Variants in NPSR1 observed in about 807,000 individuals in gnomAD.
NPSR1 encodes the protein neuropeptide S receptor.
NPSR1 carries 48 observed loss-of-function variants against 46.9 expected under a neutral mutation model. The observed-to-expected ratio is 1.02, with a 90% CI of 0.81 to 1.30. The LOEUF is 1.30. NPSR1 is among the 50% of genes most tolerant of loss of function. The pLI, the probability that NPSR1 is intolerant of heterozygous loss-of-function variation, is 0.00. For synonymous variants in NPSR1, 176 were observed against 168.1 expected, an observed-to-expected ratio of 1.05 and a Z score of -0.36; for missense variants, 450 against 449.5, an observed-to-expected ratio of 1.00 and a Z score of -0.01.
At chr7:34,791,928 G>A (rs538438743) in intron 3 of NPSR1, among the ~76,000 whole-genome samples, 7 of 152,072 alleles carry the variant, frequency 4.6e-5, no homozygotes, top group Non-Finnish European at 8.8e-5. Context: ...CAACAGTGAT[G>A]CCAAAAATAA....
chr7:34,673,821 A>T (rs543068354), intron 1 of NPSR1, among the ~76,000 whole-genome samples: 1 of 152,326 alleles, frequency 6.6e-6, no homozygotes, highest in East Asian at 1.9e-4. Context: ...TATTTAAAAA[A>T]TTTTATCATA....
At chr7:34,741,098 G>A (rs1784920126) in intron 2 of NPSR1, among the ~76,000 whole-genome samples, 1 of 151,996 alleles carries the variant, frequency 6.6e-6, no homozygotes, top group African/African-American at 2.4e-5. Context: ...TTTCTTTTTT[G>A]TTACTTTTAA....
At chr7:34,795,976 G>A (rs1252308020) in intron 3 of NPSR1, among the ~76,000 whole-genome samples, 1 of 152,000 alleles carries the variant, frequency 6.6e-6, no homozygotes, top group Non-Finnish European at 1.5e-5. Context: ...CAAATTTGAA[G>A]GACTGATACT....
chr7:34,749,984 GT>G (rs985662480), intron 2 of NPSR1, among the ~76,000 whole-genome samples: 71 of 149,464 alleles, frequency 4.8e-4, no homozygotes, highest in African/African-American at 1.4e-3. Context: ...GAGGAAGAGA[GT>G]TTTTTTTTTA....
At position 34,866,564 on chromosome 7, in the gene NPSR1, T is replaced by G. The variant is rs10264671; in HGVS notation, c.1026-11512T>G. Among the ~76,000 whole-genome samples the G allele has an allele frequency of 2.6e-5, 4 of 151,312 alleles. No homozygotes were observed. In the South Asian group the frequency reaches 8.3e-4, roughly 31 times the overall value. On this transcript the variant is annotated intron_variant, in intron 8 of 8. Transcript: ENST00000359791. ...GACTTGGGTGGTCAAGGTCACTATG[T>G]CTTGCCTGATTGAGACAACTCAGTT...
At chr7:34,783,556 G>T (rs1323505954) in intron 3 of NPSR1, among the ~76,000 whole-genome samples, 2 of 152,064 alleles carry the variant, frequency 1.3e-5, no homozygotes, top group African/African-American at 4.8e-5. Flanking sequence ...AGGAGTTATA[G>T]AAGGAGATGA....
intron 5 of NPSR1, among the ~76,000 whole-genome samples, chr7:34,832,493 G>A (rs1790165204): frequency 6.6e-6 from 1 of 152,184 alleles, no homozygotes; most frequent in Non-Finnish European, 1.5e-5. Context: ...CAGCCTGGGT[G>A]AGAGAGCAAA....
At chr7:34,660,998 AT>A (rs1262796821) in intron 1 of NPSR1, among the ~76,000 whole-genome samples, 1 of 152,196 alleles carries the variant, frequency 6.6e-6, no homozygotes, top group Non-Finnish European at 1.5e-5. Flanking sequence ...CTTGAGTAAA[AT>A]GAATGCCTTA....
intron 2 of NPSR1, among the ~76,000 whole-genome samples, chr7:34,722,511 C>T (rs1264058949): frequency 2.0e-5 from 3 of 152,110 alleles, no homozygotes; most frequent in African/African-American, 7.2e-5. Flanking sequence ...GTTTGGGGCT[C>T]ATCTGGACTT....
At chr7:34,871,817 C>A (rs1263068620) in intron 8 of NPSR1, among the ~76,000 whole-genome samples, 1 of 151,934 alleles carries the variant, frequency 6.6e-6, no homozygotes, top group Non-Finnish European at 1.5e-5. Flanking sequence ...TTGGGCAGAC[C>A]CACCCCTGTG....
At chr7:34,801,590 T>A (rs1425637189) in intron 3 of NPSR1, among the ~76,000 whole-genome samples, 2 of 142,288 alleles carry the variant, frequency 1.4e-5, no homozygotes, top group Non-Finnish European at 3.0e-5. Context: ...GAGCTATCTA[T>A]GACAAACCCA....
Position 34,831,954 on chromosome 7 carries a change from G to C in NPSR1, c.681-2430G>C, listed in dbSNP as rs78312200. ...GGAAATGGGATCACATTGTGGGAAA[G>C]CCCCATGCCAGGTTGGTGCAGCCCT... On this transcript the variant is annotated intron_variant, in intron 5 of 8. Transcript: ENST00000360581. Among the ~76,000 whole-genome samples, 492 of 152,314 alleles carry C rather than the reference G, an allele frequency of 3.2e-3. 8 individuals carry two copies. The highest frequency in any genetic ancestry group is 5.0e-3 in the Non-Finnish European group (340 of 68,038).
chr7:34,857,944 G>C (rs967566751), intron 8 of NPSR1, among the ~76,000 whole-genome samples: 1 of 151,546 alleles, frequency 6.6e-6, no homozygotes, highest in Non-Finnish European at 1.5e-5. Flanking sequence ...ACTATGAAAA[G>C]GTGTTTAATC....
chr7:34,690,130 C>T (rs932480619), intron 2 of NPSR1, among the ~76,000 whole-genome samples: 5 of 152,036 alleles, frequency 3.3e-5, no homozygotes, highest in Non-Finnish European at 5.9e-5. Context: ...CATACAAAGA[C>T]TACCCATTAC....
intron 5 of NPSR1, among the ~76,000 whole-genome samples, chr7:34,828,541 C>A (rs1288720116): frequency 6.9e-6 from 1 of 144,426 alleles, no homozygotes; most frequent in East Asian, 2.1e-4. Context: ...CAGGAAGAGA[C>A]CTGGCACATT....
At chr7:34,683,436 G>T (rs1161689780) in intron 1 of NPSR1, among the ~76,000 whole-genome samples, 2 of 142,334 alleles carry the variant, frequency 1.4e-5, no homozygotes, top group African/African-American at 2.8e-5. Context: ...GACAGAGTGA[G>T]ACTCTGTCAC....
intron 3 of NPSR1, among the ~76,000 whole-genome samples, chr7:34,808,525 T>C (rs542083636): frequency 7.9e-4 from 121 of 152,302 alleles, no homozygotes; most frequent in African/African-American, 2.9e-3. Context: ...AAATGTTCCA[T>C]AGTCATATTT....
At chr7:34,745,104 A>G (rs1785137569) in intron 2 of NPSR1, among the ~76,000 whole-genome samples, 1 of 152,224 alleles carries the variant, frequency 6.6e-6, no homozygotes, top group Admixed American at 6.5e-5. Context: ...CAATAACCCC[A>G]TATATACAAA....
rs73324789 is a variant in NPSR1, at chr7:34,698,712, G to C, written c.280+14028G>C. On this transcript the variant is annotated intron_variant, in intron 2 of 8. Transcript: ENST00000360581. ...ATATTAATCTTTACTGGTGGATTGT[G>C]AGAAGTGAGGCCAAGAAGTTGGGGA... Among the ~76,000 whole-genome samples the C allele has an allele frequency of 6.1e-3, 934 of 152,316 alleles. 14 individuals are homozygous for C. Among genetic ancestry groups the C allele is most frequent in the African/African-American group, 0.021 (883 of 41,568 alleles).
Sources: gnomAD v4.1 joint callset for allele counts (sites outside exome capture counted in the v4.1 genomes callset) on GRCh38, gnomAD v4.1.1 for gene constraint, MANE v1.5 for transcripts, NCBI Gene and HGNC (gene_info 2026-07-23, HGNC 2026-07-21) for gene names.